The following ANKRD28 variants were observed in gnomAD, a reference collection of about 807,000 sequenced individuals.
The protein encoded by ANKRD28 is ankyrin repeat domain 28, also known as serine/threonine-protein phosphatase 6 regulatory ankyrin repeat subunit A.
In ANKRD28, 44 loss-of-function variants were observed where a neutral mutation model predicts 126.5. That is an observed-to-expected ratio of 0.35 (90% CI 0.27 to 0.45). The LOEUF is 0.45. Among genes scored for constraint, ANKRD28 ranks in the 20% least tolerant of loss-of-function variants. The probability of loss-of-function intolerance (pLI) is 1.00; values close to 1 mark genes in which losing one functional copy is unlikely to be tolerated. For missense variants in ANKRD28, 1,110 were observed against 1,316.6 expected (o/e 0.84, Z 2.43); for synonymous variants, 442 against 468.5 (o/e 0.94, Z 0.73).
Position 15,797,144 on chromosome 3 carries a change from C to A in ANKRD28, c.-623G>T, listed in dbSNP as rs2060311755. 2.0e-6 allele frequency: 2 copies of A among 983,856 alleles called. No individual in the cohort carries two copies. The highest frequency in any genetic ancestry group is 2.4e-6 in the Non-Finnish European group (2 of 829,688). The allele number at this position is 983,856 out of a possible 1,614,324, so 60.9% of individuals were successfully genotyped here. A position where few individuals can be genotyped will look rare whatever the true frequency, so the allele number is the denominator to read the frequency against. The stretch of plus-strand genomic sequence containing the variant: ...AAAAGATCTAGAGCTCAGCACAAAT[C>A]CTGAAAATGAAGCTCAGAGGTTAAC... On this transcript the variant is annotated 5_prime_UTR_variant, in exon 1 of 28. Coordinates refer to ENST00000683139, the MANE Select transcript of ANKRD28 (RefSeq NM_001349278.2).
chr3:15,718,055 T>C (rs1013314414), intron 8 of ANKRD28, among the ~76,000 whole-genome samples: 1 of 152,188 alleles, frequency 6.6e-6, no homozygotes, highest in East Asian at 1.9e-4. Context: ...AGTGTCCCCA[T>C]AGTCAATCAA....
At chr3:15,674,554 G>A (rs931900661) in intron 27 of ANKRD28, among the ~76,000 whole-genome samples, 1 of 152,172 alleles carries the variant, frequency 6.6e-6, no homozygotes, top group African/African-American at 2.4e-5. Context: ...AATTAGGCAC[G>A]TGGATATATA....
intron 1 of ANKRD28, among the ~76,000 whole-genome samples, chr3:15,844,853 T>A (rs1300056284): frequency 6.6e-6 from 1 of 152,198 alleles, no homozygotes; most frequent in Non-Finnish European, 1.5e-5. Flanking sequence ...TGCTATAAAA[T>A]ACCTGAAACT....
intron 1 of ANKRD28, chr3:15,859,285 C>T (rs2061851981): frequency 6.7e-7 from 1 of 1,487,136 alleles, no homozygotes; most frequent in African/African-American, 1.5e-5. Flanking sequence ...ACCACCCCGC[C>T]GAGCGGGCGT....
intron 17 of ANKRD28, among the ~76,000 whole-genome samples, chr3:15,694,381 C>T (rs1476420618): frequency 6.6e-6 from 1 of 152,042 alleles, no homozygotes; most frequent in Non-Finnish European, 1.5e-5. Context: ...GTGTGTATAC[C>T]ATCTGCTTAG....
chr3:15,736,855 T>C (rs953487280), intron 5 of ANKRD28, among the ~76,000 whole-genome samples, 178 bp downstream of exon 5: 3 of 152,232 alleles, frequency 2.0e-5, no homozygotes, highest in African/African-American at 7.2e-5. Context: ...TGTGCACAAG[T>C]AGTATCTACT....
In ANKRD28 at chr3:15,675,945, TG is replaced by T. The variant is rs1559311949; in HGVS notation, c.2917del (p.Gln973ArgfsTer13). Reference sequence around the variant, plus strand: ...ACTTGCTCCTTTTCCCAAAAGTTCCTGAACCACCATTGTTAGCCCATTTCGG... The same window carrying T: ...ACTTGCTCCTTTTCCCAAAAGTTCCTAACCACCATTGTTAGCCCATTTCGG... ...AARNGLTMVVQELLGKGASVL... is the reference protein window; with the variant it reads ...AARNGLTMVVXELLGKGASVL... On this transcript the variant is annotated frameshift_variant, in exon 27 of 28. Transcript: ENST00000683139. LOFTEE classifies it high-confidence loss of function. The T allele has an allele frequency of 6.2e-7, 1 of 1,613,190 alleles. No homozygotes were observed. Among genetic ancestry groups the T allele is most frequent in the African/African-American group, 1.3e-5 (1 of 75,072 alleles).
chr3:15,751,630 C>A, intron 4 of ANKRD28, 120 bp downstream of exon 4: 1 of 687,208 alleles, frequency 1.5e-6, no homozygotes, highest in Non-Finnish European at 2.5e-6. Context: ...GTAAAATGAC[C>A]AGTCAAGGTA....
chr3:15,751,247 C>A (rs1426424931), intron 4 of ANKRD28, among the ~76,000 whole-genome samples: 1 of 152,166 alleles, frequency 6.6e-6, no homozygotes, highest in Non-Finnish European at 1.5e-5. Context: ...ATATACAAGG[C>A]TGTACACAAG....
intron 2 of ANKRD28, among the ~76,000 whole-genome samples, chr3:15,786,950 T>G (rs760668588): frequency 3.3e-5 from 5 of 152,124 alleles, no homozygotes; most frequent in Non-Finnish European, 5.9e-5. Flanking sequence ...ATAAATACAT[T>G]TAAAATTTTT....
At chr3:15,701,848 G>A (rs1459739621) in intron 14 of ANKRD28, among the ~76,000 whole-genome samples, 4 of 152,024 alleles carry the variant, frequency 2.6e-5, no homozygotes, top group Admixed American at 1.3e-4. Context: ...CCTTGGTGCC[G>A]AATTCAGAGG....
At chr3:15,716,002 T>C (rs2072973504) in intron 8 of ANKRD28, among the ~76,000 whole-genome samples, 1 of 151,946 alleles carries the variant, frequency 6.6e-6, no homozygotes, top group Admixed American at 6.6e-5. Context: ...CTCTTTTTTT[T>C]TTTTGAGACT....
intron 4 of ANKRD28, among the ~76,000 whole-genome samples, chr3:15,738,322 T>A (rs913060618): frequency 1.3e-5 from 2 of 152,144 alleles, no homozygotes; most frequent in Non-Finnish European, 2.9e-5. Flanking sequence ...AGCAAGTTTT[T>A]ATTAGTGATT....
chr3:15,753,814 G>A (rs1014822782), intron 3 of ANKRD28, among the ~76,000 whole-genome samples: 10 of 151,986 alleles, frequency 6.6e-5, no homozygotes, highest in African/African-American at 1.5e-4. Flanking sequence ...GTGGTGGCCC[G>A]CGTGCACCTG....
chr3:15,791,104 A>G (rs905426609), intron 2 of ANKRD28, among the ~76,000 whole-genome samples: 1 of 152,162 alleles, frequency 6.6e-6, no homozygotes, highest in African/African-American at 2.4e-5. Flanking sequence ...AAACAATAAA[A>G]CACGAATGAA....
chr3:15,836,220 T>A (rs995269744), intron 1 of ANKRD28, among the ~76,000 whole-genome samples: 1 of 152,110 alleles, frequency 6.6e-6, no homozygotes, highest in Non-Finnish European at 1.5e-5. Flanking sequence ...AATTAAAACA[T>A]TACTGTTGGG....
chr3:15,859,063 T>A (rs1254248317), intron 1 of ANKRD28, among the ~76,000 whole-genome samples: 1 of 152,036 alleles, frequency 6.6e-6, no homozygotes, highest in East Asian at 1.9e-4. Flanking sequence ...GGCCCGAGCC[T>A]CACCTGGCAG....
intron 9 of ANKRD28, 82 bp from the exon 10 acceptor site, chr3:15,713,723 C>T: frequency 1.2e-6 from 1 of 853,282 alleles, no homozygotes; most frequent in Non-Finnish European, 1.8e-6. Flanking sequence ...ATAAAAAATG[C>T]TGTTCACATA....
rs369989394 is a variant in ANKRD28 at position 15,685,252 on chromosome 3, G to A, written c.2363C>T (p.Thr788Met). Residue 788 changes from threonine to methionine, a missense_variant, in exon 21 of 28, where the codon ACG (threonine) becomes ATG (methionine). Physicochemically the swap from Thr to Met is moderately conservative, Grantham distance 81 (BLOSUM62 -1). Transcript: ENST00000683139. ...NPATADNHGY[T>M]ALHWACYNGH... The stretch of plus-strand genomic sequence containing the variant: ...ATTGTAGCAAGCCCAGTGAAGTGCC[G>A]TATATCCATGATTGTCTGCTGTGGC... The A allele has an allele frequency of 4.1e-5, 66 of 1,613,820 alleles. No homozygotes were observed. The highest frequency in any genetic ancestry group is 1.3e-4 in the African/African-American group (10 of 74,908).
Sources: allele counts gnomAD v4.1 joint callset (sites outside exome capture counted in the v4.1 genomes callset), GRCh38; gene constraint gnomAD v4.1.1; transcripts MANE v1.5; gene names NCBI Gene and HGNC (gene_info 2026-07-23, HGNC 2026-07-21).